KCNQ5: variants seen among roughly 807,000 people sequenced by gnomAD.
The protein encoded by KCNQ5 is potassium voltage-gated channel subfamily Q member 5.
Under a neutral mutation model 98.2 loss-of-function variants are expected in KCNQ5, and 30 were observed. The observed-to-expected ratio is 0.31, with a 90% CI of 0.23 to 0.41. KCNQ5 has a LOEUF of 0.41. KCNQ5 is among the 10% of genes least tolerant of loss of function. The pLI, the probability that KCNQ5 is intolerant of heterozygous loss-of-function variation, is 1.00. For missense variants in KCNQ5, 835 were observed against 1,182.5 expected, an observed-to-expected ratio of 0.71 and a Z score of 4.31; for synonymous variants, 458 against 449.4, an observed-to-expected ratio of 1.02 and a Z score of -0.24.
chr6:72,834,457 T>G (rs1024190508), intron 1 of KCNQ5, among the ~76,000 whole-genome samples: 3 of 152,162 alleles, frequency 2.0e-5, no homozygotes, highest in Non-Finnish European at 4.4e-5. Context: ...GTAGAGACTC[T>G]AAAGATAATA....
chr6:72,875,499 C>T (rs1276369652), intron 1 of KCNQ5, among the ~76,000 whole-genome samples: 3 of 152,084 alleles, frequency 2.0e-5, no homozygotes, highest in African/African-American at 4.8e-5. Context: ...ATTATTTTGT[C>T]GAAAGAACAC....
intron 1 of KCNQ5, among the ~76,000 whole-genome samples, chr6:72,838,679 G>A (rs1191406397): frequency 2.6e-5 from 4 of 151,518 alleles, no homozygotes; most frequent in Non-Finnish European, 4.4e-5. Flanking sequence ...GGCCGGGCGC[G>A]GTGGCTCACG....
intron 1 of KCNQ5, among the ~76,000 whole-genome samples, chr6:72,633,129 G>A (rs995428638): frequency 1.3e-5 from 2 of 152,102 alleles, no homozygotes; most frequent in African/African-American, 4.8e-5. Flanking sequence ...TCATTCTGAT[G>A]GTATGAGGTG....
intron 1 of KCNQ5, among the ~76,000 whole-genome samples, chr6:72,809,438 G>T (rs1365606884): frequency 6.6e-6 from 1 of 152,096 alleles, no homozygotes; most frequent in Non-Finnish European, 1.5e-5. Flanking sequence ...TGTAATCCCA[G>T]CTACTCAGGA....
chr6:73,065,756 T>G (rs1773021521), intron 3 of KCNQ5, among the ~76,000 whole-genome samples: 1 of 152,216 alleles, frequency 6.6e-6, no homozygotes, highest in South Asian at 2.1e-4. Flanking sequence ...TATATTTTTT[T>G]GCCTGGAACC....
At chr6:72,899,423 A>C (rs1018080662) in intron 1 of KCNQ5, among the ~76,000 whole-genome samples, 3 of 152,248 alleles carry the variant, frequency 2.0e-5, no homozygotes, top group Middle Eastern at 3.4e-3. Flanking sequence ...TAGAATTATG[A>C]GAGTGCGATT....
chr6:72,644,495 C>T (rs1412156790), intron 1 of KCNQ5, among the ~76,000 whole-genome samples: 1 of 152,072 alleles, frequency 6.6e-6, no homozygotes, highest in Non-Finnish European at 1.5e-5. Flanking sequence ...CTGCAAATGA[C>T]CTCAAAAGTG....
chr6:73,011,209 T>C (rs914431639), intron 2 of KCNQ5, among the ~76,000 whole-genome samples: 7 of 152,224 alleles, frequency 4.6e-5, no homozygotes, highest in African/African-American at 1.7e-4. Flanking sequence ...TGATGTAGTT[T>C]CCTGTAACAT....
At chr6:72,920,318 C>T (rs1343522449) in intron 1 of KCNQ5, among the ~76,000 whole-genome samples, 1 of 152,116 alleles carries the variant, frequency 6.6e-6, no homozygotes, top group Admixed American at 6.5e-5. Context: ...GGGATTCTGC[C>T]TGTCTCCTCA....
chr6:72,847,327 C>T (rs757950264), intron 1 of KCNQ5, among the ~76,000 whole-genome samples: 1 of 152,128 alleles, frequency 6.6e-6, no homozygotes, highest in Non-Finnish European at 1.5e-5. Flanking sequence ...CCACGCCCAG[C>T]TAATTTTGTA....
chr6:73,142,686 G>A (rs1427657639), intron 10 of KCNQ5, among the ~76,000 whole-genome samples: 1 of 152,010 alleles, frequency 6.6e-6, no homozygotes, highest in Non-Finnish European at 1.5e-5. Context: ...GAGGCTGAGG[G>A]GGATGGATCA....
intron 1 of KCNQ5, among the ~76,000 whole-genome samples, chr6:72,930,029 C>T (rs1765619049): frequency 6.6e-6 from 1 of 151,994 alleles, no homozygotes; most frequent in Non-Finnish European, 1.5e-5. Context: ...GTGCTCTCCT[C>T]CTTTTCTTAC....
chr6:72,970,660 A>G (rs1263166966), intron 1 of KCNQ5, among the ~76,000 whole-genome samples: 1 of 152,206 alleles, frequency 6.6e-6, no homozygotes, highest in East Asian at 1.9e-4. Flanking sequence ...ATATAGACTA[A>G]TGGAACAGAA....
intron 10 of KCNQ5, chr6:73,135,359 T>C (rs1389868804): frequency 6.7e-6 from 1 of 149,296 alleles, no homozygotes; most frequent in Non-Finnish European, 1.5e-5. Flanking sequence ...ATTTCTACAA[T>C]GAACAGGTAA....
At chr6:72,762,241 A>T (rs929741580) in intron 1 of KCNQ5, among the ~76,000 whole-genome samples, 3 of 151,968 alleles carry the variant, frequency 2.0e-5, no homozygotes, top group African/African-American at 7.2e-5. Flanking sequence ...AGGAAATAAC[A>T]TTTTTGTGGT....
chr6:72,762,926 G>A (rs1003780424), intron 1 of KCNQ5, among the ~76,000 whole-genome samples: 3 of 151,442 alleles, frequency 2.0e-5, no homozygotes, highest in East Asian at 3.9e-4. Context: ...ATAGTAATTG[G>A]GCAGCACTGA....
chr6:72,997,782 CAAAAAAAAA>C (rs70994154), intron 1 of KCNQ5, among the ~76,000 whole-genome samples: 2 of 62,054 alleles, frequency 3.2e-5, no homozygotes, highest in South Asian at 1.1e-3. Context: ...GACTCTGTCT[CAAAAAAAAA>C]AAAAAAAAAA....
chr6:73,194,395 G>A (rs1765704959), intron 13 of KCNQ5, 57 bp from the exon 14 acceptor site: 1 of 1,487,364 alleles, frequency 6.7e-7, no homozygotes, highest in African/African-American at 1.4e-5. Context: ...ATTAAAAAAT[G>A]AAGTCCATTC....
intron 1 of KCNQ5, among the ~76,000 whole-genome samples, chr6:72,649,236 G>T (rs1464478741): frequency 6.6e-6 from 1 of 152,110 alleles, no homozygotes; most frequent in South Asian, 2.1e-4. Context: ...AACAGTTTTG[G>T]ATCACAGCCT....
Sources: gnomAD v4.1 joint callset for allele counts (sites outside exome capture counted in the v4.1 genomes callset) on GRCh38, gnomAD v4.1.1 for gene constraint, MANE v1.5 for transcripts, NCBI Gene and HGNC (gene_info 2026-07-23, HGNC 2026-07-21) for gene names.